KDM4A: variants seen among roughly 807,000 people sequenced by gnomAD.
KDM4A encodes the protein lysine demethylase 4A.
Under a neutral mutation model 127.1 loss-of-function variants are expected in KDM4A, and 23 were observed. That is an observed-to-expected ratio of 0.18 (90% confidence interval 0.13 to 0.26). KDM4A has a LOEUF of 0.26. Ranked by LOEUF, KDM4A falls within the 10% of genes least tolerant of loss-of-function variation. KDM4A has a pLI of 1.00. For missense variants in KDM4A, 890 were observed against 1,329.1 expected (o/e 0.67, Z 5.14); for synonymous variants, 443 against 466.5 (o/e 0.95, Z 0.65).
intron 18 of KDM4A, among the ~76,000 whole-genome samples, chr1:43,697,238 G>A (rs780851622): frequency 6.6e-6 from 1 of 152,246 alleles, no homozygotes; most frequent in African/African-American, 2.4e-5. Flanking sequence ...GCTAGCAGGC[G>A]TGCTTGGAAA....
At position 43,694,756 on chromosome 1, in the gene KDM4A, T is replaced by C. The variant is rs1661203111; in HGVS notation, c.2532T>C (p.Cys844=). 1.2e-6 allele frequency: 2 copies of C among 1,613,938 alleles called. No individual in the cohort carries two copies. Among genetic ancestry groups the C allele is most frequent in the Non-Finnish European group, 1.7e-6 (2 of 1,179,822 alleles). The part of the protein sequence containing the change: ...KKRRKRTAGC[C]VQCSHGRCPT... ...GGAGGAAAAGAACTGCTGGCTGCTG[T>C]GTGCAGTGTTCTCACGGCCGCTGCC... Residue 844 remains cysteine, a synonymous_variant, in exon 18 of 22, where the codon TGT becomes TGC. Transcript: ENST00000372396. The surrounding 1 kb of genome is among the most constrained non-coding windows in gnomAD (Gnocchi z 5.2).
intron 12 of KDM4A, among the ~76,000 whole-genome samples, chr1:43,684,635 G>C (rs1261600778): frequency 6.6e-6 from 1 of 152,222 alleles, no homozygotes; most frequent in African/African-American, 2.4e-5. Flanking sequence ...GCCAGGGAGT[G>C]ATAGGTGGAG....
chr1:43,691,372 A>C, intron 14 of KDM4A, 124 bp from the exon 15 acceptor site: 1 of 877,060 alleles, frequency 1.1e-6, no homozygotes, highest in Non-Finnish European at 1.9e-6. Flanking sequence ...AGACTAAAGA[A>C]AACTAAGGGG....
chr1:43,657,562 A>C (rs1208491544), intron 3 of KDM4A, among the ~76,000 whole-genome samples: 4 of 152,032 alleles, frequency 2.6e-5, no homozygotes, highest in Admixed American at 1.3e-4. Context: ...GAGAATTTAC[A>C]TAAAGGCATG....
intron 12 of KDM4A, among the ~76,000 whole-genome samples, chr1:43,684,337 A>G (rs1428339825): frequency 6.6e-6 from 1 of 152,126 alleles, no homozygotes; most frequent in African/African-American, 2.4e-5. Context: ...CCCCATCTCT[A>G]CTAAAACTAC....
chr1:43,685,458 T>A (rs1225447606), intron 12 of KDM4A, among the ~76,000 whole-genome samples: 2 of 151,810 alleles, frequency 1.3e-5, no homozygotes, highest in African/African-American at 4.8e-5. Flanking sequence ...CTCTGCTGTT[T>A]TTTTTTTTCA....
At chr1:43,695,255 A>C (rs1358308952) in intron 18 of KDM4A, among the ~76,000 whole-genome samples, 1 of 152,218 alleles carries the variant, frequency 6.6e-6, no homozygotes, top group Non-Finnish European at 1.5e-5. Context: ...AAATGGGGAG[A>C]GCTCCCAAGA....
intron 11 of KDM4A, among the ~76,000 whole-genome samples, chr1:43,675,890 T>C (rs1296755419): frequency 1.3e-5 from 2 of 151,340 alleles, no homozygotes; most frequent in Non-Finnish European, 2.9e-5. Context: ...TTGTCCAACA[T>C]GGCGAAACCC....
At position 43,694,105 on chromosome 1, in the gene KDM4A, A is replaced by G. The variant is rs1661183162; in HGVS notation, c.2484+3A>G. ...TCCCCCTGCCCCGCTTCAAACTGGT[A>G]AGGGCTTGTAGACTCTACATAATTT... On this transcript the variant is annotated splice_donor_region_variant and intron_variant, in intron 17 of 21. Transcript: ENST00000372396. This position sits in a 1 kb window ranked among gnomAD's most constrained non-coding sequence, Gnocchi z 5.2. The G allele has an allele frequency of 6.2e-7, 1 of 1,608,376 alleles. No homozygotes were observed. Among genetic ancestry groups the G allele is most frequent in the Admixed American group, 1.7e-5 (1 of 59,970 alleles).
At position 43,659,578 on chromosome 1, in the gene KDM4A, C is replaced by G. The variant is rs189685072; in HGVS notation, c.315-720C>G. On this transcript the variant is annotated intron_variant, in intron 3 of 21. Transcript: ENST00000372396. ...AGGTGATCCGCCCCCGCCAGGCCTC[C>G]CAAAGTGCTGGGATAACAGGTGTGA... Among the ~76,000 whole-genome samples the G allele has an allele frequency of 1.1e-3, 175 of 152,276 alleles. 1 individual carries two copies. Among genetic ancestry groups the G allele is most frequent in the Non-Finnish European group, 2.2e-3 (148 of 68,024 alleles).
At position 43,688,093 on chromosome 1, in the gene KDM4A, AGCTACTTGG is replaced by A. The variant is rs1462107512; in HGVS notation, c.1856-818_1856-810del. ...TGCAGTGGCTCATGCCTGTAGTCCA[AGCTACTTGG>A]GCAGCTGTGATGGGAGGATCACTTG... On this transcript the variant is annotated intron_variant, in intron 12 of 21. Transcript: ENST00000372396. The surrounding 1 kb of genome is among the most constrained non-coding windows in gnomAD (Gnocchi z 4.4). Among the ~76,000 whole-genome samples, 1 of 152,032 alleles carries A rather than the reference AGCTACTTGG, an allele frequency of 6.6e-6. No homozygotes were observed. The highest frequency in any genetic ancestry group is 1.9e-4 in the East Asian group (1 of 5,190).
At chr1:43,655,844 T>A in intron 3 of KDM4A, 78 bp downstream of exon 3, 8 of 1,226,694 alleles carry the variant, frequency 6.5e-6, no homozygotes, top group Non-Finnish European at 9.0e-6. Context: ...CCAGGACTGC[T>A]GCTGTCCTGA....
intron 3 of KDM4A, among the ~76,000 whole-genome samples, chr1:43,659,644 A>T (rs2154046594): frequency 6.6e-6 from 1 of 152,214 alleles, no homozygotes; most frequent in South Asian, 2.1e-4. Flanking sequence ...TTATGGCTTT[A>T]TGTAGATAGG....
rs752161467 is a variant in KDM4A, at chr1:43,694,095, T to G, written c.2477T>G (p.Phe826Cys). 2 of 1,613,090 alleles carry G rather than the reference T, an allele frequency of 1.2e-6. No homozygotes were observed. Among genetic ancestry groups the G allele is most frequent in the East Asian group, 4.5e-5 (2 of 44,888 alleles). The change falls in exon 17 of 22, where the codon TTC (phenylalanine) becomes TGC (cysteine). Residue 826 changes from phenylalanine to cysteine, a missense_variant. This residue lies in a region of KDM4A where 246 missense variants were observed against 418.4 expected (regional missense o/e 0.59). Transcript: ENST00000372396. The surrounding 1 kb of genome is among the most constrained non-coding windows in gnomAD (Gnocchi z 5.2). The stretch of plus-strand genomic sequence containing the variant: ...GTGAGCAAAATCCCCCTGCCCCGCT[T>G]CAAACTGGTAAGGGCTTGTAGACTC... The part of the protein sequence containing the change: ...VDVSKIPLPR[F>C]KLKCIFCKKR...
chr1:43,701,726 G>A (rs1246660822), intron 19 of KDM4A, among the ~76,000 whole-genome samples: 5 of 152,096 alleles, frequency 3.3e-5, no homozygotes, highest in Admixed American at 6.5e-5. Flanking sequence ...GGGCTGATGC[G>A]ATCCTCCTAC....
At chr1:43,700,902 T>C (rs1007786749) in intron 19 of KDM4A, among the ~76,000 whole-genome samples, 6 of 151,988 alleles carry the variant, frequency 3.9e-5, no homozygotes, top group African/African-American at 1.5e-4. Flanking sequence ...CCTCCAAATG[T>C]TGTTAAATAT....
At chr1:43,672,448 A>G (rs1660642560) in intron 11 of KDM4A, among the ~76,000 whole-genome samples, 1 of 151,536 alleles carries the variant, frequency 6.6e-6, no homozygotes, top group South Asian at 2.1e-4. Context: ...CAGCCTCCCA[A>G]AGTGGTGGGA....
At chr1:43,692,446 A>G in intron 16 of KDM4A, 135 bp downstream of exon 16, 1 of 749,764 alleles carries the variant, frequency 1.3e-6, no homozygotes, top group Non-Finnish European at 2.2e-6. Context: ...CAGGAATAGC[A>G]TCTCCAAGAC....
chr1:43,683,881 C>G (rs1160507861), intron 12 of KDM4A, 77 bp downstream of exon 12: 4 of 1,543,402 alleles, frequency 2.6e-6, no homozygotes, highest in Admixed American at 1.8e-5. Flanking sequence ...ATCAGAAGGC[C>G]AAGCTGAGGG....
Sources: gnomAD v4.1 joint callset for allele counts (sites outside exome capture counted in the v4.1 genomes callset) on GRCh38, gnomAD v4.1.1 for gene constraint, gnomAD v4.1.1 regional missense constraint, Gnocchi (gnomAD v3.1) non-coding constraint, MANE v1.5 for transcripts, NCBI Gene and HGNC (gene_info 2026-07-23, HGNC 2026-07-21) for gene names.